The following TMIE variants were observed in gnomAD, a reference collection of about 807,000 sequenced individuals.
TMIE encodes transmembrane inner ear expressed protein.
Under a neutral mutation model 16.8 loss-of-function variants are expected in TMIE, and 14 were observed. The observed-to-expected ratio is 0.83, with a 90% confidence interval of 0.55 to 1.30. TMIE has a LOEUF of 1.30. Among genes scored for constraint, TMIE ranks in the 50% most tolerant of loss-of-function variants. TMIE has a pLI of 0.00. For synonymous variants in TMIE, 75 were observed against 87.2 expected (o/e 0.86, Z 0.78); for missense variants, 204 against 205.9 (o/e 0.99, Z 0.06).
chr3:46,705,743 G>GCCAGCTGGCTGGAA, intron 1 of TMIE, 47 bp from the exon 2 acceptor site: 3 of 1,565,752 alleles, frequency 1.9e-6, no homozygotes, highest in Non-Finnish European at 2.6e-6. Flanking sequence ...GCTGGTTCCA[G>GCCAGCTGGCTGGAA]CCAGCTGGCC....
intron 1 of TMIE, among the ~76,000 whole-genome samples, chr3:46,703,416 G>A (rs1401311278): frequency 4.1e-4 from 63 of 152,126 alleles, no homozygotes; most frequent in Non-Finnish European, 2.2e-4. Context: ...GAGTCTTCCA[G>A]TCATACAACC....
At chr3:46,708,142 A>AT (rs1019044890) in intron 2 of TMIE, among the ~76,000 whole-genome samples, 39 of 152,114 alleles carry the variant, frequency 2.6e-4, no homozygotes, top group Admixed American at 1.2e-3. Flanking sequence ...TCATTCATTG[A>AT]TTTTTTTCTT....
chr3:46,709,075 T>C lies in TMIE; in HGVS notation c.212-51T>C, dbSNP rs780760800. On this transcript the variant is annotated intron_variant, in intron 2 of 3. Transcript: ENST00000643606. ...CCTGAAGGAAGGCGGATGCCATTCCTTGGGTCTCTGAACCCCAGCCCCAGC... is the reference window on the plus strand; with the variant it reads ...CCTGAAGGAAGGCGGATGCCATTCCCTGGGTCTCTGAACCCCAGCCCCAGC... 7 of 1,612,050 alleles carry C rather than the reference T, an allele frequency of 4.3e-6. No individual in the cohort carries two copies. In the African/African-American group the frequency reaches 8.0e-5, roughly 18 times the overall value.
In TMIE at chr3:46,709,714, C is replaced by T. The variant is rs764741139; in HGVS notation, c.*26C>T. On this transcript the variant is annotated 3_prime_UTR_variant, in exon 4 of 4. Coordinates refer to ENST00000643606, the MANE Select transcript of TMIE (RefSeq NM_147196.3). ...AGACATCCTGGGCAGCTTGGGCTGG[C>T]GGGCCCTGGAGCTCAAGCCGTGGCC... 5.0e-6 allele frequency: 8 copies of T among 1,613,300 alleles called. No homozygotes were observed. The highest frequency in any genetic ancestry group is 4.0e-5 in the African/African-American group (3 of 75,018).
At chr3:46,709,084 T>C (rs1396903923) in intron 2 of TMIE, 42 bp from the exon 3 acceptor site, 2 of 1,612,982 alleles carry the variant, frequency 1.2e-6, no homozygotes, top group Admixed American at 1.7e-5. Context: ...CTTGGGTCTC[T>C]GAACCCCAGC....
chr3:46,703,516 C>T (rs1700504071), intron 1 of TMIE, among the ~76,000 whole-genome samples: 1 of 152,218 alleles, frequency 6.6e-6, no homozygotes, highest in South Asian at 2.1e-4. Context: ...CCTGACCACA[C>T]CCACATGCAT....
At chr3:46,701,244 G>T (rs1700468971), upstream of TMIE, 12 of 388,140 alleles carry the variant, frequency 3.1e-5, no homozygotes, top group Admixed American at 9.8e-5. The surrounding 1 kb of genome is among the most constrained non-coding windows in gnomAD (Gnocchi z 4.3). Context: ...CCCTGGGGAT[G>T]CGGAAGGTGG....
chr3:46,693,870 C>T (rs1350485564), upstream of TMIE, among the ~76,000 whole-genome samples: 1 of 152,136 alleles, frequency 6.6e-6, no homozygotes, highest in African/African-American at 2.4e-5. Flanking sequence ...CTCCTGAGGC[C>T]TCCCTCTGGC....
rs113069806 is a variant in TMIE at position 46,709,018 on chromosome 3, G to A, written c.212-108G>A. ...GCTGAGCCTCCTGCCAGGGTCTGGT[G>A]GGTGAGACACATGTGGGTGGATGGG... On this transcript the variant is annotated intron_variant, in intron 2 of 3. Transcript: ENST00000643606. The A allele has an allele frequency of 2.9e-5, 41 of 1,428,626 alleles. No homozygotes were observed. In the African/African-American group the frequency reaches 3.2e-4, roughly 11 times the overall value. The allele number at this position is 1,428,626 out of a possible 1,614,324, so 88.5% of individuals were successfully genotyped here.
upstream of TMIE, among the ~76,000 whole-genome samples, chr3:46,696,665 C>T (rs904560933): frequency 6.6e-6 from 1 of 152,152 alleles, no homozygotes; most frequent in Non-Finnish European, 1.5e-5. Flanking sequence ...ATTTCAGGCT[C>T]CAGGAGAGAA....
chr3:46,697,048 A>G (rs1326541320), upstream of TMIE, among the ~76,000 whole-genome samples: 7 of 152,200 alleles, frequency 4.6e-5, no homozygotes, highest in Non-Finnish European at 1.0e-4. Flanking sequence ...GACCTTAGGC[A>G]GGGCATAACC....
chr3:46,700,796 C>G (rs1478893884), upstream of TMIE, among the ~76,000 whole-genome samples: 1 of 152,112 alleles, frequency 6.6e-6, no homozygotes, highest in Non-Finnish European at 1.5e-5. Context: ...CAGCCAGGGT[C>G]AGAAAATGGT....
At chr3:46,701,248 A>C, upstream of TMIE, 18 of 308,594 alleles carry the variant, frequency 5.8e-5, no homozygotes, top group East Asian at 2.2e-4. This position sits in a 1 kb window ranked among gnomAD's most constrained non-coding sequence, Gnocchi z 4.3. Context: ...GGGGATGCGG[A>C]AGGTGGGGGC....
chr3:46,709,519 A>G (rs1043256747), intron 3 of TMIE, 60 bp from the exon 4 acceptor site: 30 of 1,613,840 alleles, frequency 1.9e-5, no homozygotes, highest in Non-Finnish European at 2.5e-5. Flanking sequence ...CCCTCAGGAC[A>G]GTCAGACCCC....
At chr3:46,707,991 CT>C (rs1248302645) in intron 2 of TMIE, among the ~76,000 whole-genome samples, 1 of 152,246 alleles carries the variant, frequency 6.6e-6, no homozygotes, top group Non-Finnish European at 1.5e-5. Context: ...AGGTCCACCC[CT>C]GGACAGTCGG....
chr3:46,694,366 C>A (rs1414898589), upstream of TMIE, among the ~76,000 whole-genome samples: 1 of 152,178 alleles, frequency 6.6e-6, no homozygotes, highest in South Asian at 2.1e-4. Flanking sequence ...ACAGACCCCC[C>A]GGGAGCGGGA....
Position 46,701,487 on chromosome 3 carries a change from G to A in TMIE, c.-1G>A. On this transcript the variant is annotated 5_prime_UTR_variant, in exon 1 of 4. Transcript: ENST00000643606. The surrounding 1 kb of genome is among the most constrained non-coding windows in gnomAD (Gnocchi z 4.3). The stretch of plus-strand genomic sequence containing the variant: ...TCCGCAAGCGGCGCGGTGGCACGAA[G>A]ATGGCGGGGTGGCCGGGCGCGGGTC... The A allele has an allele frequency of 7.4e-7, 1 of 1,354,932 alleles. No homozygotes were observed. The highest frequency in any genetic ancestry group is 9.5e-7 in the Non-Finnish European group (1 of 1,056,682). 83.9% of individuals were successfully genotyped at this position (1,354,932 alleles called of 1,614,324 possible).
chr3:46,704,675 CCTAGACACCCAGGGTGAAGCACGTCCA>C (rs1700526447), intron 1 of TMIE, among the ~76,000 whole-genome samples: 1 of 150,058 alleles, frequency 6.7e-6, no homozygotes, highest in South Asian at 2.1e-4. Flanking sequence ...GGGTCATGTC[CCTAGACACCCAGGGTGAAGCACGTCCA>C]CTAGACACCC....
rs4683315 is a variant in TMIE, at chr3:46,710,663, G to A, written c.*975G>A. ...TTCCTCTTCTACCATTTCCCACTAC[G>A]GGCACCTAAAAGAAGCATCTCTGAC... is the stretch of plus-strand genomic sequence containing the variant. On this transcript the variant is annotated 3_prime_UTR_variant, in exon 4 of 4. Transcript: ENST00000643606. 0.075 allele frequency: 11,485 copies of A among 152,196 alleles called. 628 individuals are homozygous for A. The highest frequency in any genetic ancestry group is 0.15 in the East Asian group (773 of 5,174). The allele number at this position is 152,196 out of a possible 1,614,324, so 9.4% of individuals were successfully genotyped here.
Sources: allele counts gnomAD v4.1 joint callset (sites outside exome capture counted in the v4.1 genomes callset), GRCh38; gene constraint gnomAD v4.1.1; non-coding constraint Gnocchi (gnomAD v3.1); transcripts MANE v1.5; gene names NCBI Gene and HGNC (gene_info 2026-07-23, HGNC 2026-07-21).